Variants in ATL1 observed in about 807,000 individuals in gnomAD.
ATL1 encodes the protein atlastin GTPase 1.
In ATL1, 31 loss-of-function variants were observed where a neutral mutation model predicts 75.5. The ratio of observed to expected loss-of-function variants is 0.41; its 90% CI spans 0.31 to 0.55. The LOEUF is 0.55. ATL1 is among the 20% of genes least tolerant of loss of function. ATL1 has a pLI of 0.27. For synonymous variants in ATL1, 226 were observed against 233.3 expected (o/e 0.97, Z 0.28); for missense variants, 405 against 662.6 (o/e 0.61, Z 4.27).
At chr14:50,549,167 G>A (rs758145414) in intron 1 of ATL1, among the ~76,000 whole-genome samples, 19 of 152,112 alleles carry the variant, frequency 1.2e-4, no homozygotes, top group Admixed American at 2.6e-4. Flanking sequence ...TTGTATATAA[G>A]GGGACCCCAC....
At chr14:50,560,620 C>T in intron 1 of ATL1, 1 of 398,598 alleles carries the variant, frequency 2.5e-6, no homozygotes, top group Non-Finnish European at 4.7e-6. Context: ...GTGGGTTCCG[C>T]CTTAGCGATC....
chr14:50,591,539 C>T lies in ATL1; in HGVS notation c.422C>T (p.Ala141Val). ...LINKPDGKKV[A>V]VLLMDTQGTF... ...ATGTACTCTTCTTGCCTGTAGGTTG[C>T]AGTGTTATTGATGGATACTCAGGGA... The change falls in exon 4 of 14, where the codon GCA becomes GTA. Residue 141 changes from alanine to valine, a missense_variant. Physicochemically the swap from Ala to Val is moderately conservative, Grantham distance 64. Coordinates refer to ENST00000358385, the MANE Select transcript of ATL1 (RefSeq NM_015915.5). 6.2e-7 allele frequency: 1 copy of T among 1,608,862 alleles called. No homozygotes were observed. The highest frequency in any genetic ancestry group is 8.5e-7 in the Non-Finnish European group (1 of 1,175,584).
chr14:50,620,579 G>A lies in ATL1; in HGVS notation c.863-20G>A, dbSNP rs1367414256. ...TGGGAAGGATTCCAAAAATAATAAT[G>A]GATTTGCTTTTACTTGTAGAAATAG... On this transcript the variant is annotated intron_variant, in intron 8 of 13. Coordinates refer to ENST00000358385, the MANE Select transcript of ATL1 (RefSeq NM_015915.5). 1.2e-6 allele frequency: 2 copies of A among 1,604,114 alleles called. No individual in the cohort carries two copies. Among genetic ancestry groups the A allele is most frequent in the East Asian group, 2.3e-5 (1 of 44,398 alleles).
chr14:50,564,430 A>C (rs2038881388), intron 1 of ATL1, among the ~76,000 whole-genome samples: 2 of 152,012 alleles, frequency 1.3e-5, no homozygotes, highest in Non-Finnish European at 2.9e-5. Flanking sequence ...CGGGCAGATC[A>C]GGAGGTCAGG....
At chr14:50,567,743 T>C (rs542154705) in intron 1 of ATL1, among the ~76,000 whole-genome samples, 2 of 152,220 alleles carry the variant, frequency 1.3e-5, no homozygotes, top group South Asian at 2.1e-4. Context: ...TCTTTGATCA[T>C]TTGTTGTTTA....
At chr14:50,571,208 C>T (rs931447599) in intron 1 of ATL1, among the ~76,000 whole-genome samples, 6 of 152,130 alleles carry the variant, frequency 3.9e-5, no homozygotes, top group Non-Finnish European at 8.8e-5. Flanking sequence ...CAGCAATTAT[C>T]AACCAGAATA....
chr14:50,567,727 A>AT (rs1317805561), intron 1 of ATL1, among the ~76,000 whole-genome samples: 6 of 152,046 alleles, frequency 3.9e-5, no homozygotes, highest in East Asian at 3.9e-4. Flanking sequence ...TTCTCTTGTG[A>AT]TTTTTTCTTT....
intron 1 of ATL1, among the ~76,000 whole-genome samples, chr14:50,551,155 G>A (rs761344283): frequency 1.3e-5 from 2 of 152,062 alleles, no homozygotes; most frequent in Non-Finnish European, 2.9e-5. Context: ...AAAGAAGAAA[G>A]AAGATCCAAA....
intron 1 of ATL1, among the ~76,000 whole-genome samples, chr14:50,563,469 CTAAG>C (rs574949577): frequency 1.6e-3 from 238 of 152,124 alleles, no homozygotes; most frequent in Admixed American, 3.3e-3. Flanking sequence ...CCTTATCTAG[CTAAG>C]TAAGTATTTT....
intron 1 of ATL1, among the ~76,000 whole-genome samples, chr14:50,535,640 A>T (rs1056555451): frequency 6.6e-6 from 1 of 152,266 alleles, no homozygotes; most frequent in Non-Finnish European, 1.5e-5. Context: ...TTTTCCAAAT[A>T]TAGGGCAATT....
chr14:50,615,821 G>A (rs1434275750), intron 8 of ATL1, among the ~76,000 whole-genome samples: 2 of 152,152 alleles, frequency 1.3e-5, no homozygotes, highest in African/African-American at 4.8e-5. Context: ...AACAGGCAGA[G>A]GAGGGGTGCG....
At chr14:50,610,324 T>C (rs951134546) in intron 6 of ATL1, among the ~76,000 whole-genome samples, 1 of 152,014 alleles carries the variant, frequency 6.6e-6, no homozygotes, top group Non-Finnish European at 1.5e-5. Context: ...CAATATTCCA[T>C]GGAAAAAGAC....
intron 8 of ATL1, among the ~76,000 whole-genome samples, chr14:50,616,363 C>T (rs2140228679): frequency 6.6e-6 from 1 of 152,260 alleles, no homozygotes; most frequent in Admixed American, 6.5e-5. Context: ...GCGGTGTGAA[C>T]ATAGCTCACT....
intron 1 of ATL1, among the ~76,000 whole-genome samples, chr14:50,552,186 C>A (rs1028739192): frequency 6.6e-6 from 1 of 152,044 alleles, no homozygotes. Flanking sequence ...TCAATGTACA[C>A]AAATCAGTAG....
chr14:50,565,009 G>A (rs928223449), intron 1 of ATL1, among the ~76,000 whole-genome samples: 2 of 152,056 alleles, frequency 1.3e-5, no homozygotes, highest in Non-Finnish European at 2.9e-5. Flanking sequence ...GGTCTTGGCT[G>A]GACACGGTAG....
At chr14:50,617,032 T>C (rs1413328845) in intron 8 of ATL1, among the ~76,000 whole-genome samples, 1 of 152,352 alleles carries the variant, frequency 6.6e-6, no homozygotes, top group East Asian at 1.9e-4. Flanking sequence ...TATGCAAAAG[T>C]TGTTCTTTGA....
intron 6 of ATL1, among the ~76,000 whole-genome samples, chr14:50,608,092 A>G (rs963805699): frequency 2.6e-5 from 4 of 152,174 alleles, no homozygotes; most frequent in Non-Finnish European, 4.4e-5. Context: ...CATTTGACCC[A>G]GTTGCCTGGC....
chr14:50,579,153 T>G (rs939261886), intron 1 of ATL1, among the ~76,000 whole-genome samples: 2 of 151,870 alleles, frequency 1.3e-5, no homozygotes, highest in South Asian at 4.2e-4. Context: ...TGTGATTTAT[T>G]TGGAACTGGT....
intron 7 of ATL1, 27 bp from the exon 8 acceptor site, chr14:50,614,346 T>A (rs755348062): frequency 1.9e-6 from 3 of 1,613,318 alleles, no homozygotes; most frequent in South Asian, 2.2e-5. Context: ...ATGAAAGTAG[T>A]TTAAACTTCA....
Sources: gnomAD v4.1 joint callset for allele counts (sites outside exome capture counted in the v4.1 genomes callset) on GRCh38, gnomAD v4.1.1 for gene constraint, MANE v1.5 for transcripts, NCBI Gene and HGNC (gene_info 2026-07-23, HGNC 2026-07-21) for gene names.